SYT2: variants seen among roughly 807,000 people sequenced by gnomAD.
SYT2 encodes the protein synaptotagmin-2.
A neutral mutation model predicts 39.9 loss-of-function variants in SYT2; 15 were observed. The ratio of observed to expected loss-of-function variants is 0.38; its 90% CI spans 0.25 to 0.58. The LOEUF (loss-of-function observed/expected upper bound fraction) is 0.58, where lower values mean the gene tolerates loss of function less well. SYT2 is among the 20% of genes least tolerant of loss of function. SYT2 has a pLI of 0.70. For synonymous variants in SYT2, 181 were observed against 204.5 expected, an observed-to-expected ratio of 0.89 and a Z score of 0.98; for missense variants, 389 against 530.3, an observed-to-expected ratio of 0.73 and a Z score of 2.62.
chr1:202,645,133 CTG>C (rs1692053444), intron 1 of SYT2, among the ~76,000 whole-genome samples: 2 of 152,164 alleles, frequency 1.3e-5, no homozygotes, highest in South Asian at 4.1e-4. Context: ...TGACCCCTCA[CTG>C]TTCTTCAGAT....
intron 1 of SYT2, among the ~76,000 whole-genome samples, chr1:202,636,943 C>T (rs923841537): frequency 1.1e-4 from 16 of 152,140 alleles, no homozygotes; most frequent in African/African-American, 2.9e-4. Flanking sequence ...GCAACCTAGC[C>T]CTAGCATCTG....
chr1:202,679,128 C>T (rs977352675), intron 1 of SYT2, among the ~76,000 whole-genome samples: 7 of 152,198 alleles, frequency 4.6e-5, no homozygotes, highest in African/African-American at 9.6e-5. Flanking sequence ...TCCTTCCCTC[C>T]GCTCAGCTTC....
chr1:202,609,713 C>T (rs1305653198), intron 1 of SYT2, among the ~76,000 whole-genome samples: 9 of 152,162 alleles, frequency 5.9e-5, no homozygotes, highest in Non-Finnish European at 1.0e-4. Flanking sequence ...TGTTCATATC[C>T]TTTGCCCACT....
intron 1 of SYT2, chr1:202,627,380 C>G (rs1169440049): frequency 1.4e-5 from 13 of 909,296 alleles, no homozygotes; most frequent in Non-Finnish European, 1.7e-5. Flanking sequence ...CAGGAACTGC[C>G]CCCCAACTCT....
intron 1 of SYT2, among the ~76,000 whole-genome samples, chr1:202,699,953 T>C (rs140555244): frequency 2.6e-5 from 4 of 152,296 alleles, no homozygotes; most frequent in African/African-American, 7.2e-5. Context: ...CTACAAAGTT[T>C]TGAAATCTTT....
chr1:202,684,454 C>CA (rs1026137991), intron 1 of SYT2, among the ~76,000 whole-genome samples: 11 of 151,926 alleles, frequency 7.2e-5, no homozygotes, highest in African/African-American at 2.4e-4. Flanking sequence ...CATGCTGTCA[C>CA]AAAAAAACAG....
chr1:202,640,441 G>A (rs1226770878), intron 1 of SYT2, among the ~76,000 whole-genome samples: 4 of 152,164 alleles, frequency 2.6e-5, no homozygotes, highest in African/African-American at 4.8e-5. Context: ...ATGGGGTCCT[G>A]GGAGTCCCCC....
chr1:202,601,614 TTTTA>T lies in SYT2; in HGVS notation c.801+272_801+275del, dbSNP rs776891123. On this transcript the variant is annotated intron_variant, in intron 6 of 8. Transcript: ENST00000367268. The surrounding 1 kb of genome is among the most constrained non-coding windows in gnomAD (Gnocchi z 4.0). Reference sequence around the variant, plus strand: ...TTAGGAGTAACAATAATAATGGTGTTTTTATTTATTTGAGTACCTACCAAATACC... The same window carrying T: ...TTAGGAGTAACAATAATAATGGTGTTTTTATTTGAGTACCTACCAAATACC... Among the ~76,000 whole-genome samples the T allele has an allele frequency of 2.4e-4, 36 of 152,344 alleles. No homozygotes were observed. The South Asian group carries it at 3.3e-3, about 14-fold the overall frequency.
At chr1:202,691,406 G>A (rs1226877300) in intron 1 of SYT2, among the ~76,000 whole-genome samples, 1 of 152,004 alleles carries the variant, frequency 6.6e-6, no homozygotes, top group Non-Finnish European at 1.5e-5. Flanking sequence ...CCAGCACTTT[G>A]GGATGCCAAA....
At chr1:202,608,029 A>G (rs1192948259) in intron 1 of SYT2, among the ~76,000 whole-genome samples, 1 of 152,212 alleles carries the variant, frequency 6.6e-6, no homozygotes, top group Non-Finnish European at 1.5e-5. Context: ...CTCAAAAAGA[A>G]ACCCAGTCCC....
chr1:202,606,793 C>G (rs1195871314), intron 1 of SYT2, among the ~76,000 whole-genome samples: 1 of 152,034 alleles, frequency 6.6e-6, no homozygotes, highest in Admixed American at 6.6e-5. Context: ...AGAAATCCCC[C>G]CATAATTCTA....
rs945476733 is a variant in SYT2 at position 202,695,175 on chromosome 1, T to G, written c.-18+15083A>C. On this transcript the variant is annotated intron_variant, in intron 1 of 8. Transcript: ENST00000367268. ...GTGGAAAGCAAGTTGTCATTGGACC[T>G]TTTGTAATCTGCAGACAGACACAAG... 4.6e-5 allele frequency among the ~76,000 whole-genome samples: 7 copies of G among 152,308 alleles called. No individual in the cohort carries two copies. The East Asian group carries it at 1.3e-3, about 29-fold the overall frequency.
chr1:202,600,233 C>T (rs973593652), intron 7 of SYT2, 124 bp downstream of exon 7: 19 of 799,424 alleles, frequency 2.4e-5, no homozygotes, highest in South Asian at 1.6e-5. Flanking sequence ...CCCCGCTCCT[C>T]GAGGAGACAT....
intron 1 of SYT2, among the ~76,000 whole-genome samples, chr1:202,708,194 C>T (rs1654299571): frequency 6.6e-6 from 1 of 152,038 alleles, no homozygotes. Flanking sequence ...ATGTCAGACC[C>T]CAAAGCTGAA....
rs113041036 is a variant in SYT2, at chr1:202,595,848, T to C, written c.*909A>G. On this transcript the variant is annotated 3_prime_UTR_variant, in exon 9 of 9. Coordinates refer to ENST00000367268, the MANE Select transcript of SYT2 (RefSeq NM_177402.5). Reference sequence around the variant, plus strand: ...CTGTTTCTTCATAGTTTGATATTTATTGTCAATAAGAGTGAGATTTTGGGA... The same window carrying C: ...CTGTTTCTTCATAGTTTGATATTTACTGTCAATAAGAGTGAGATTTTGGGA... The C allele has an allele frequency of 2.2e-4, 33 of 152,318 alleles. 2 individuals are homozygous for C. The highest frequency in any genetic ancestry group is 7.9e-4 in the African/African-American group (33 of 41,564). 9.4% of individuals were successfully genotyped at this position (152,318 alleles called of 1,614,324 possible). A position where few individuals can be genotyped will look rare whatever the true frequency, so the allele number is the denominator to read the frequency against.
rs139519303 is a variant in SYT2, at chr1:202,599,257, G to A, written c.1014C>T (p.Asn338=). 90 of 1,612,814 alleles carry A rather than the reference G, an allele frequency of 5.6e-5. No homozygotes were observed. The highest frequency in any genetic ancestry group is 1.6e-4 in the Middle Eastern group (1 of 6,074). Residue 338 remains asparagine, a synonymous_variant, in exon 8 of 9, where the codon AAC becomes AAT. Coordinates refer to ENST00000367268, the MANE Select transcript of SYT2 (RefSeq NM_177402.5). The surrounding 1 kb of genome is among the most constrained non-coding windows in gnomAD (Gnocchi z 4.4). ...VKKKTLNPYF[N]ESFSFEIPFE... ...AGGGGATCTCAAAGCTGAAGGACTCGTTGAAGTATGGGTTCAGGGTCTTCT... is the reference window on the plus strand; with the variant it reads ...AGGGGATCTCAAAGCTGAAGGACTCATTGAAGTATGGGTTCAGGGTCTTCT...
At chr1:202,639,801 G>T (rs1043860077) in intron 1 of SYT2, 1 of 985,316 alleles carries the variant, frequency 1.0e-6, no homozygotes, top group African/African-American at 1.7e-5. Context: ...AGGCCAGTGC[G>T]CAGCAAGAGG....
At chr1:202,612,922 G>A (rs1229426863) in intron 1 of SYT2, among the ~76,000 whole-genome samples, 1 of 151,708 alleles carries the variant, frequency 6.6e-6, no homozygotes, top group Non-Finnish European at 1.5e-5. Context: ...TTGTTCCTAG[G>A]TATCTTATTC....
intron 1 of SYT2, among the ~76,000 whole-genome samples, chr1:202,608,283 A>AT (rs56180154): frequency 0.056 from 7,890 of 141,170 alleles, 272 homozygotes; most frequent in East Asian, 0.084. Context: ...GATAGAAAAC[A>AT]TTTTTTTTTT....
Sources: gnomAD v4.1 joint callset for allele counts (sites outside exome capture counted in the v4.1 genomes callset) on GRCh38, gnomAD v4.1.1 for gene constraint, Gnocchi (gnomAD v3.1) non-coding constraint, MANE v1.5 for transcripts, NCBI Gene and HGNC (gene_info 2026-07-23, HGNC 2026-07-21) for gene names.